CCDC91: variants seen among roughly 807,000 people sequenced by gnomAD.
CCDC91 encodes coiled-coil domain containing 91, also known as coiled-coil domain-containing protein 91.
A neutral mutation model predicts 63.2 loss-of-function variants in CCDC91; 48 were observed. That is an observed-to-expected ratio of 0.76 (90% confidence interval 0.60 to 0.97). The LOEUF (loss-of-function observed/expected upper bound fraction) is 0.97, where lower values mean the gene tolerates loss of function less well. CCDC91 is among the 50% of genes least tolerant of loss of function. The pLI, the probability that CCDC91 is intolerant of heterozygous loss-of-function variation, is 0.00. For synonymous variants in CCDC91, 167 were observed against 165.8 expected (o/e 1.01, Z -0.06); for missense variants, 500 against 494.6 (o/e 1.01, Z -0.10).
At chr12:28,452,079 T>C (rs776542816) in intron 10 of CCDC91, among the ~76,000 whole-genome samples, 1 of 151,508 alleles carries the variant, frequency 6.6e-6, no homozygotes, top group Admixed American at 6.6e-5. Flanking sequence ...TATCATGCAA[T>C]TATATTAATT....
At position 28,541,951 on chromosome 12, in the gene CCDC91, A is replaced by G. The variant is rs571520763; in HGVS notation, c.1216-7112A>G. ...CCCAAGATAGGATTTCTGTGCAGCT[A>G]CTATACAATATTATCCACCTTTGCT... On this transcript the variant is annotated intron_variant, in intron 12 of 12. Transcript: ENST00000536442. Among the ~76,000 whole-genome samples, 15 of 152,270 alleles carry G rather than the reference A, an allele frequency of 9.9e-5. No homozygotes were observed. In the South Asian group the frequency reaches 3.1e-3, roughly 32 times the overall value.
At chr12:28,424,238 C>T (rs778257766) in intron 8 of CCDC91, among the ~76,000 whole-genome samples, 3 of 152,084 alleles carry the variant, frequency 2.0e-5, no homozygotes, top group Non-Finnish European at 4.4e-5. Context: ...CCCTAAATCC[C>T]ATATTTTAAA....
At chr12:28,475,049 A>C (rs1951012813) in intron 11 of CCDC91, among the ~76,000 whole-genome samples, 1 of 152,064 alleles carries the variant, frequency 6.6e-6, no homozygotes, top group African/African-American at 2.4e-5. Context: ...CTGAGGGGCA[A>C]ATGGTGTGCT....
intron 6 of CCDC91, among the ~76,000 whole-genome samples, chr12:28,349,388 T>C (rs1943032622): frequency 1.3e-5 from 2 of 152,174 alleles, no homozygotes; most frequent in Non-Finnish European, 2.9e-5. Context: ...GACTGTATAG[T>C]TATAATGACG....
chr12:28,421,943 A>G (rs990805970), intron 8 of CCDC91, among the ~76,000 whole-genome samples: 12 of 152,058 alleles, frequency 7.9e-5, no homozygotes, highest in Admixed American at 7.9e-4. Flanking sequence ...GATTGACATC[A>G]CTTTGTAAGG....
intron 11 of CCDC91, among the ~76,000 whole-genome samples, chr12:28,469,863 G>A (rs1950725095): frequency 6.6e-6 from 1 of 152,116 alleles, no homozygotes; most frequent in Non-Finnish European, 1.5e-5. Context: ...AGTAAATTGT[G>A]CTGGGAAAAC....
chr12:28,427,240 A>G (rs532250977), intron 8 of CCDC91, among the ~76,000 whole-genome samples: 1 of 152,142 alleles, frequency 6.6e-6, no homozygotes, highest in Non-Finnish European at 1.5e-5. Flanking sequence ...TGTGAGATAA[A>G]AAGGCTAGAG....
intron 1 of CCDC91, among the ~76,000 whole-genome samples, chr12:28,242,177 G>C (rs886704922): frequency 6.6e-6 from 1 of 152,082 alleles, no homozygotes; most frequent in African/African-American, 2.4e-5. Flanking sequence ...GGGGGTGCCA[G>C]GGGATTTGGT....
At chr12:28,332,504 A>G (rs1367556373) in intron 6 of CCDC91, among the ~76,000 whole-genome samples, 1 of 152,244 alleles carries the variant, frequency 6.6e-6, no homozygotes, top group African/African-American at 2.4e-5. Context: ...ATATACCTGT[A>G]TATTACCTTT....
At chr12:28,359,361 C>T (rs547625964) in intron 6 of CCDC91, among the ~76,000 whole-genome samples, 39 of 152,268 alleles carry the variant, frequency 2.6e-4, no homozygotes, top group African/African-American at 8.9e-4. Flanking sequence ...ATATATTCGT[C>T]TTTAGTTTCA....
At chr12:28,392,855 C>T (rs989720371) in intron 8 of CCDC91, among the ~76,000 whole-genome samples, 1 of 152,112 alleles carries the variant, frequency 6.6e-6, no homozygotes, top group Non-Finnish European at 1.5e-5. Flanking sequence ...CCCTTTTGAC[C>T]TGAAGAAGTA....
chr12:28,280,425 A>G (rs1360485259), intron 3 of CCDC91, among the ~76,000 whole-genome samples: 1 of 152,080 alleles, frequency 6.6e-6, no homozygotes, highest in Non-Finnish European at 1.5e-5. Flanking sequence ...AGTCTGAAAT[A>G]CTGCATTTAC....
At chr12:28,426,790 G>A (rs927203843) in intron 8 of CCDC91, among the ~76,000 whole-genome samples, 2 of 151,956 alleles carry the variant, frequency 1.3e-5, no homozygotes, top group African/African-American at 4.8e-5. Flanking sequence ...AAAAATGTTT[G>A]TCATATCCGA....
chr12:28,348,592 C>G (rs1482465061), intron 6 of CCDC91, among the ~76,000 whole-genome samples: 2 of 152,196 alleles, frequency 1.3e-5, no homozygotes, highest in African/African-American at 4.8e-5. Context: ...TGATGTGTTA[C>G]TGTTTTGTTT....
intron 12 of CCDC91, among the ~76,000 whole-genome samples, chr12:28,539,459 G>T (rs1942461676): frequency 6.6e-6 from 1 of 152,032 alleles, no homozygotes; most frequent in Non-Finnish European, 1.5e-5. Flanking sequence ...CTGTTCCATT[G>T]GTCTATATCT....
chr12:28,199,836 T>C (rs947823873), intron 1 of CCDC91, among the ~76,000 whole-genome samples: 1 of 152,264 alleles, frequency 6.6e-6, no homozygotes, highest in African/African-American at 2.4e-5. Context: ...TCCCTATTTT[T>C]GATGAGTTGC....
At chr12:28,403,871 C>A (rs974234548) in intron 8 of CCDC91, among the ~76,000 whole-genome samples, 3 of 151,970 alleles carry the variant, frequency 2.0e-5, no homozygotes, top group African/African-American at 7.2e-5. Context: ...GTAGTGATAT[C>A]CCTTATTTCA....
chr12:28,290,126 T>TA (rs910489569), intron 3 of CCDC91, among the ~76,000 whole-genome samples: 2 of 152,160 alleles, frequency 1.3e-5, no homozygotes, highest in African/African-American at 4.8e-5. Context: ...CTCCCACTAT[T>TA]ACTGTGTGGG....
At position 28,414,042 on chromosome 12, in the gene CCDC91, G is replaced by A. The variant is rs140239664; in HGVS notation, c.762+22631G>A. Among the ~76,000 whole-genome samples, 587 of 152,280 alleles carry A rather than the reference G, an allele frequency of 3.9e-3. 7 individuals are homozygous for A. Among genetic ancestry groups the A allele is most frequent in the African/African-American group, 0.013 (555 of 41,556 alleles). ...AATTGGGTCTGTGATTTACCACTTGGAGGGAATCTCCTCATTCAGGAACAT... is the reference window on the plus strand; with the variant it reads ...AATTGGGTCTGTGATTTACCACTTGAAGGGAATCTCCTCATTCAGGAACAT... On this transcript the variant is annotated intron_variant, in intron 8 of 12. Transcript: ENST00000536442.
Sources: gnomAD v4.1 joint callset for allele counts (sites outside exome capture counted in the v4.1 genomes callset) on GRCh38, gnomAD v4.1.1 for gene constraint, MANE v1.5 for transcripts, NCBI Gene and HGNC (gene_info 2026-07-23, HGNC 2026-07-21) for gene names.